GNB4: variants seen among roughly 807,000 people sequenced by gnomAD.
GNB4 encodes the protein guanine nucleotide-binding protein subunit beta-4.
In GNB4, 28 loss-of-function variants were observed where a neutral mutation model predicts 45.2. That is an observed-to-expected ratio of 0.62 (90% CI 0.46 to 0.85). The LOEUF (loss-of-function observed/expected upper bound fraction) is 0.85, where lower values mean the gene tolerates loss of function less well. Ranked by LOEUF, GNB4 falls within the 40% of genes least tolerant of loss-of-function variation. GNB4 has a pLI of 0.00. For missense variants in GNB4, 321 were observed against 425.4 expected, an observed-to-expected ratio of 0.75 and a Z score of 2.16; for synonymous variants, 132 against 143.7, an observed-to-expected ratio of 0.92 and a Z score of 0.58.
intron 1 of GNB4, among the ~76,000 whole-genome samples, chr3:179,440,911 G>A (rs1312496024): frequency 7.1e-6 from 1 of 140,238 alleles, no homozygotes; most frequent in African/African-American, 3.2e-5. Context: ...AGATACAATA[G>A]CAGCTTGAAA....
chr3:179,459,470 G>A, the GNB4 span, among the ~76,000 whole-genome samples: 1 of 152,010 alleles, frequency 6.6e-6, no homozygotes, highest in Non-Finnish European at 1.5e-5. Context: ...ATTATCTGAG[G>A]TCAGGAGTTC....
chr3:179,468,229 C>T, the GNB4 span, among the ~76,000 whole-genome samples: 1 of 151,400 alleles, frequency 6.6e-6, no homozygotes, highest in Non-Finnish European at 1.5e-5. Flanking sequence ...GGCGCAGTGG[C>T]TCATGCCTGT....
At chr3:179,519,578 A>G in the GNB4 span, among the ~76,000 whole-genome samples, 1 of 151,798 alleles carries the variant, frequency 6.6e-6, no homozygotes, top group Non-Finnish European at 1.5e-5. Flanking sequence ...TCTTTTATGC[A>G]CTCTTTTTTA....
intron 1 of GNB4, among the ~76,000 whole-genome samples, chr3:179,441,099 C>T (rs899356948): frequency 6.6e-6 from 1 of 152,186 alleles, no homozygotes; most frequent in Non-Finnish European, 1.5e-5. Flanking sequence ...TCAACAAACA[C>T]GTATTTGACA....
the GNB4 span, among the ~76,000 whole-genome samples, chr3:179,480,783 A>G: frequency 6.6e-6 from 1 of 150,992 alleles, no homozygotes; most frequent in East Asian, 1.9e-4. Context: ...TCTCTACCTG[A>G]TTTTCAGACA....
Position 179,416,487 on chromosome 3 carries a change from T to TATAAGGTTA in GNB4, c.267+5_267+6insTAACCTTAT. On this transcript the variant is annotated splice_donor_region_variant and intron_variant, in intron 5 of 9. Transcript: ENST00000232564. ...GTTATTTAAAAGAATTATGAAGAAA[T>TATAAGGTTA]TCTACCTTATTTGTTGTATAGCTAT... The TATAAGGTTA allele has an allele frequency of 6.6e-7, 1 of 1,510,208 alleles. No homozygotes were observed. Among genetic ancestry groups the TATAAGGTTA allele is most frequent in the Non-Finnish European group, 9.1e-7 (1 of 1,098,154 alleles). 93.6% of individuals were successfully genotyped at this position (1,510,208 alleles called of 1,614,324 possible).
chr3:179,447,401 TGCC>T (rs1161992111), intron 1 of GNB4, among the ~76,000 whole-genome samples: 1 of 151,654 alleles, frequency 6.6e-6, no homozygotes, highest in Admixed American at 6.6e-5. Flanking sequence ...CTCACTCTAT[TGCC>T]CAGGCACAAA....
the GNB4 span, among the ~76,000 whole-genome samples, chr3:179,491,761 G>A: frequency 2.0e-5 from 3 of 152,178 alleles, no homozygotes; most frequent in Non-Finnish European, 4.4e-5. Flanking sequence ...GTAAAGGAAG[G>A]TTCTCTGAAG....
the GNB4 span, among the ~76,000 whole-genome samples, chr3:179,468,256 G>T: frequency 4.1e-3 from 618 of 151,696 alleles, 3 homozygotes; most frequent in African/African-American, 0.014. Flanking sequence ...AGCACTTTGG[G>T]AGGCTGAGGT....
chr3:179,478,534 TTTTTGTTTTG>T, the GNB4 span, among the ~76,000 whole-genome samples: 16 of 152,072 alleles, frequency 1.1e-4, no homozygotes, highest in East Asian at 3.9e-4. Flanking sequence ...GTTTTTTGGG[TTTTTGTTTTG>T]TTTTGTTTTG....
At chr3:179,481,844 T>C in the GNB4 span, among the ~76,000 whole-genome samples, 1 of 152,192 alleles carries the variant, frequency 6.6e-6, no homozygotes, top group African/African-American at 2.4e-5. Context: ...TAAATTTTGC[T>C]CAACACAACA....
At chr3:179,442,017 G>A (rs1715606825) in intron 1 of GNB4, among the ~76,000 whole-genome samples, 1 of 152,126 alleles carries the variant, frequency 6.6e-6, no homozygotes, top group South Asian at 2.1e-4. Flanking sequence ...ATGTTGGTCA[G>A]GCTGATCTCA....
the GNB4 span, among the ~76,000 whole-genome samples, chr3:179,507,575 T>G: frequency 6.6e-6 from 1 of 152,240 alleles, no homozygotes; most frequent in South Asian, 2.1e-4. Context: ...GAACACATCC[T>G]GCTCTCATTT....
At chr3:179,477,762 T>A in the GNB4 span, among the ~76,000 whole-genome samples, 17 of 152,066 alleles carry the variant, frequency 1.1e-4, no homozygotes, top group Admixed American at 1.1e-3. Flanking sequence ...ATTTCTGGGG[T>A]CTTCCTCTGA....
At chr3:179,501,889 C>T in the GNB4 span, among the ~76,000 whole-genome samples, 1 of 152,156 alleles carries the variant, frequency 6.6e-6, no homozygotes, top group Admixed American at 6.6e-5. Context: ...TTATTCCAAG[C>T]ACTATCATCT....
rs763262757 is a variant in GNB4, at chr3:179,405,356, G to A, written c.750C>T (p.Cys250=). 1.2e-5 allele frequency: 20 copies of A among 1,613,778 alleles called. No homozygotes were observed. The East Asian group carries it at 4.2e-4, about 34-fold the overall frequency. The change falls in exon 9 of 10, where the codon TGC becomes TGT. Residue 250 remains cysteine, a synonymous_variant. Transcript: ENST00000232564. The stretch of plus-strand genomic sequence containing the variant: ...GATCTGCACGAAGGTCAAAGAGCCG[G>A]CAAGTGGCATCATCAGAGCCAGTGG... ...AFATGSDDAT[C]RLFDLRADQE... is the part of the protein sequence containing the mutation.
At chr3:179,469,404 A>G in the GNB4 span, among the ~76,000 whole-genome samples, 1 of 152,234 alleles carries the variant, frequency 6.6e-6, no homozygotes, top group Non-Finnish European at 1.5e-5. Context: ...TGAAAGAGTA[A>G]AGCACAAGTA....
At chr3:179,476,076 T>C in the GNB4 span, among the ~76,000 whole-genome samples, 2 of 152,168 alleles carry the variant, frequency 1.3e-5, no homozygotes, top group Non-Finnish European at 1.5e-5. Flanking sequence ...AAATCAGATA[T>C]GGGTGACAGT....
intron 4 of GNB4, among the ~76,000 whole-genome samples, chr3:179,416,762 AACTG>A (rs1330446314): frequency 1.3e-5 from 2 of 152,246 alleles, no homozygotes; most frequent in Non-Finnish European, 1.5e-5. Context: ...AAAATTTAGC[AACTG>A]ACTAAAAATG....
Sources: allele counts gnomAD v4.1 joint callset (sites outside exome capture counted in the v4.1 genomes callset), GRCh38; gene constraint gnomAD v4.1.1; transcripts MANE v1.5; gene names NCBI Gene and HGNC (gene_info 2026-07-23, HGNC 2026-07-21).